The following TACC2 variants were observed in gnomAD, a reference collection of about 807,000 sequenced individuals.
TACC2 encodes the protein transforming acidic coiled-coil-containing protein 2.
Under a neutral mutation model 227.3 loss-of-function variants are expected in TACC2, and 137 were observed. The observed-to-expected ratio is 0.60, with a 90% CI of 0.52 to 0.69. The LOEUF is 0.69. TACC2 is among the 30% of genes least tolerant of loss of function. The probability of loss-of-function intolerance (pLI) is 0.00; values close to 1 mark genes in which losing one functional copy is unlikely to be tolerated. For synonymous variants in TACC2, 1,523 were observed against 1,487.5 expected (o/e 1.02, Z -0.55); for missense variants, 3,470 against 3,694.4 (o/e 0.94, Z 1.57).
chr10:122,002,083 G>T (rs1954436689), intron 1 of TACC2, among the ~76,000 whole-genome samples: 1 of 152,226 alleles, frequency 6.6e-6, no homozygotes, highest in East Asian at 1.9e-4. Context: ...AGATGAAGGT[G>T]CTGGCTAAGG....
rs560201468 is a variant in TACC2 at position 122,073,731 on chromosome 10, A to G, written c.147-8916A>G. 4.6e-5 allele frequency among the ~76,000 whole-genome samples: 7 copies of G among 152,276 alleles called. No individual in the cohort carries two copies. The South Asian group carries it at 1.5e-3, about 32-fold the overall frequency. ...GCGGTAGAAAAGCTTGTTTAACCGCACTTCACCTAGTGCTTCCCACATTCC... is the reference window on the plus strand; with the variant it reads ...GCGGTAGAAAAGCTTGTTTAACCGCGCTTCACCTAGTGCTTCCCACATTCC... On this transcript the variant is annotated intron_variant, in intron 3 of 22. Coordinates refer to ENST00000369005, the MANE Select transcript of TACC2 (RefSeq NM_206862.4).
In TACC2 at chr10:122,047,931, G is replaced by C. The variant is rs566365496; in HGVS notation, c.34-2507G>C. The stretch of plus-strand genomic sequence containing the variant: ...ACTGTATGGGTACCTGAGAGATGAA[G>C]CATCTTTTATGTTTTACCTTTGGAC... On this transcript the variant is annotated intron_variant, in intron 2 of 22. Coordinates refer to ENST00000369005, the MANE Select transcript of TACC2 (RefSeq NM_206862.4). 3.3e-5 allele frequency among the ~76,000 whole-genome samples: 5 copies of C among 152,260 alleles called. No homozygotes were observed. The South Asian group carries it at 1.0e-3, about 32-fold the overall frequency.
chr10:122,185,869 C>G (rs1375120428), intron 7 of TACC2, among the ~76,000 whole-genome samples: 1 of 152,204 alleles, frequency 6.6e-6, no homozygotes, highest in South Asian at 2.1e-4. Flanking sequence ...AAAGCTCCTT[C>G]TGTGTCTTTT....
intron 2 of TACC2, among the ~76,000 whole-genome samples, chr10:122,032,283 C>T (rs547238606): frequency 6.6e-5 from 10 of 152,268 alleles, no homozygotes; most frequent in African/African-American, 2.2e-4. Flanking sequence ...CACAACTCTA[C>T]CCTCTCACAC....
At chr10:121,994,021 G>C (rs72839629) in intron 1 of TACC2, among the ~76,000 whole-genome samples, 334 of 152,280 alleles carry the variant, frequency 2.2e-3, no homozygotes, top group Non-Finnish European at 3.4e-3. Context: ...ATCTTGGAGA[G>C]TTTTCAGTGA....
chr10:122,166,044 G>A (rs930479741), intron 7 of TACC2, among the ~76,000 whole-genome samples: 2 of 152,206 alleles, frequency 1.3e-5, no homozygotes, highest in Non-Finnish European at 2.9e-5. Context: ...TAATACACAA[G>A]ACAGCAACAG....
At chr10:122,148,791 C>T (rs1284770260) in intron 7 of TACC2, among the ~76,000 whole-genome samples, 1 of 152,232 alleles carries the variant, frequency 6.6e-6, no homozygotes, top group Non-Finnish European at 1.5e-5. Context: ...CACTCCCCTC[C>T]CCCCACTCTC....
At position 122,141,199 on chromosome 10, in the gene TACC2, GAGA is replaced by G. The variant is rs1368991169; in HGVS notation, c.5700-2370_5700-2368del. Among the ~76,000 whole-genome samples the G allele has an allele frequency of 6.6e-6, 1 of 152,130 alleles. No homozygotes were observed. The highest frequency in any genetic ancestry group is 1.5e-5 in the Non-Finnish European group (1 of 68,026). Reference sequence around the variant, plus strand: ...GAGGAGGAGGGTCAGGAGGGAAGAGGAGAAGTTCTGTTGGGCCCAGGAGGTGTC... The same window carrying G: ...GAGGAGGAGGGTCAGGAGGGAAGAGGAGTTCTGTTGGGCCCAGGAGGTGTC... On this transcript the variant is annotated intron_variant, in intron 6 of 22. Transcript: ENST00000369005. This position sits in a 1 kb window ranked among gnomAD's most constrained non-coding sequence, Gnocchi z 4.3.
chr10:122,041,037 G>T (rs925896016), intron 2 of TACC2, among the ~76,000 whole-genome samples: 3 of 152,200 alleles, frequency 2.0e-5, no homozygotes, highest in Non-Finnish European at 4.4e-5. Context: ...CCTCAGCAAT[G>T]TGGACATCTG....
chr10:122,197,749 C>G (rs766681733), intron 8 of TACC2, among the ~76,000 whole-genome samples: 1 of 152,230 alleles, frequency 6.6e-6, no homozygotes, highest in Admixed American at 6.5e-5. Flanking sequence ...ACTCAGGAGA[C>G]TTACGGTTGG....
rs1243824725 is a variant in TACC2 at position 122,192,772 on chromosome 10, G to A, written c.5835-2268G>A. 8.8e-6 allele frequency: 4 copies of A among 456,694 alleles called. No individual in the cohort carries two copies. In the Admixed American group the frequency reaches 9.4e-5, roughly 11 times the overall value. The allele number at this position is 456,694 out of a possible 1,614,324, so 28.3% of individuals were successfully genotyped here. On this transcript the variant is annotated intron_variant, in intron 7 of 22. Coordinates refer to ENST00000369005, the MANE Select transcript of TACC2 (RefSeq NM_206862.4). ...CAGCAGTGGGGACTCCAGTCTGCTGGTGCTTCAGGGAGACTCTGGAAAAAG... is the reference window on the plus strand; with the variant it reads ...CAGCAGTGGGGACTCCAGTCTGCTGATGCTTCAGGGAGACTCTGGAAAAAG...
Position 122,194,481 on chromosome 10 carries a change from A to G in TACC2, c.5835-559A>G, listed in dbSNP as rs986434907. On this transcript the variant is annotated intron_variant, in intron 7 of 22. Transcript: ENST00000369005. This position sits in a 1 kb window ranked among gnomAD's most constrained non-coding sequence, Gnocchi z 4.4. ...TTCACTCCATTCACCCACTCAACAC[A>G]TGTTCATTCCCGGCCCTCCACTGTA... 2.0e-5 allele frequency among the ~76,000 whole-genome samples: 3 copies of G among 152,114 alleles called. No individual in the cohort carries two copies. Among genetic ancestry groups the G allele is most frequent in the Non-Finnish European group, 2.9e-5 (2 of 68,024 alleles).
intron 2 of TACC2, among the ~76,000 whole-genome samples, chr10:122,040,848 G>A (rs950190607): frequency 2.6e-5 from 4 of 152,192 alleles, no homozygotes; most frequent in Admixed American, 6.5e-5. Flanking sequence ...CAAGGAAGGC[G>A]CTTCTGGGGA....
At chr10:122,184,415 C>T (rs1051499417) in intron 7 of TACC2, among the ~76,000 whole-genome samples, 44 of 152,306 alleles carry the variant, frequency 2.9e-4, no homozygotes, top group African/African-American at 8.9e-4. Context: ...TGGCTCCTTC[C>T]CTTAATCCAT....
At chr10:122,052,956 A>AT (rs2075866392) in intron 3 of TACC2, among the ~76,000 whole-genome samples, 1 of 152,194 alleles carries the variant, frequency 6.6e-6, no homozygotes, top group Non-Finnish European at 1.5e-5. Flanking sequence ...GATAAAGAGC[A>AT]TTTATCATTC....
chr10:122,025,075 G>A (rs904944691), intron 2 of TACC2, among the ~76,000 whole-genome samples: 1 of 152,084 alleles, frequency 6.6e-6, no homozygotes, highest in Non-Finnish European at 1.5e-5. Context: ...GTCATTTGGT[G>A]GTGTCACTTT....
chr10:122,243,230 C>T (rs1268063646), intron 19 of TACC2, among the ~76,000 whole-genome samples: 1 of 152,186 alleles, frequency 6.6e-6, no homozygotes, highest in East Asian at 1.9e-4. Flanking sequence ...AGGCGTGAGC[C>T]GCTGCACCTG....
At chr10:122,133,093 C>T (rs1169637337) in intron 6 of TACC2, among the ~76,000 whole-genome samples, 3 of 152,122 alleles carry the variant, frequency 2.0e-5, no homozygotes, top group Non-Finnish European at 4.4e-5. Flanking sequence ...TTTCAGGGAA[C>T]GGTTGAGTTA....
At chr10:122,152,039 TGG>T (rs1263131888) in intron 7 of TACC2, among the ~76,000 whole-genome samples, 1 of 152,166 alleles carries the variant, frequency 6.6e-6, no homozygotes, top group Admixed American at 6.5e-5. Context: ...TGCCCAAGGC[TGG>T]GGCCCAGGGC....
Sources: gnomAD v4.1 joint callset for allele counts (sites outside exome capture counted in the v4.1 genomes callset) on GRCh38, gnomAD v4.1.1 for gene constraint, Gnocchi (gnomAD v3.1) non-coding constraint, MANE v1.5 for transcripts, NCBI Gene and HGNC (gene_info 2026-07-23, HGNC 2026-07-21) for gene names.